CPA6: variants seen among roughly 807,000 people sequenced by gnomAD.
The protein encoded by CPA6 is carboxypeptidase B.
Under a neutral mutation model 63.3 loss-of-function variants are expected in CPA6, and 58 were observed. The ratio of observed to expected loss-of-function variants is 0.92; its 90% confidence interval spans 0.74 to 1.14. The LOEUF is 1.14. Ranked by LOEUF, CPA6 falls within the 50% of genes most tolerant of loss-of-function variation. The pLI is 0.00. For missense variants in CPA6, 565 were observed against 526.6 expected (o/e 1.07, Z -0.71); for synonymous variants, 185 against 179.0 (o/e 1.03, Z -0.27).
At chr8:67,679,479 G>A (rs1348830429) in intron 1 of CPA6, among the ~76,000 whole-genome samples, 1 of 152,100 alleles carries the variant, frequency 6.6e-6, no homozygotes, top group Non-Finnish European at 1.5e-5. Context: ...AATGTAGTAA[G>A]CTACAAGTTT....
rs539921968 is a variant in CPA6, at chr8:67,523,318, G to A, written c.193-5271C>T. ...TAGAGGTGGGCGGATCATGAGGTCA[G>A]GAGATTGAGACCATCCTGGCTAAAA... On this transcript the variant is annotated intron_variant, in intron 2 of 10. Coordinates refer to ENST00000297770, the MANE Select transcript of CPA6 (RefSeq NM_020361.5). Among the ~76,000 whole-genome samples the A allele has an allele frequency of 2.6e-5, 4 of 152,248 alleles. No homozygotes were observed. In the East Asian group the frequency reaches 7.7e-4, roughly 29 times the overall value.
chr8:67,730,735 CAAA>C lies in CPA6; in HGVS notation c.116+15276_116+15278del, dbSNP rs201559263. On this transcript the variant is annotated intron_variant, in intron 1 of 10. Coordinates refer to ENST00000297770, the MANE Select transcript of CPA6 (RefSeq NM_020361.5). ...GTTTGCCAGAAAATGGGATGAAGAC[CAAA>C]TATATATGTTTCTACTATAAGAATA... Among the ~76,000 whole-genome samples the C allele has an allele frequency of 8.0e-3, 1,216 of 152,216 alleles. 19 individuals are homozygous for C. The highest frequency in any genetic ancestry group is 0.027 in the African/African-American group (1,140 of 41,530).
Position 67,466,084 on chromosome 8 carries a change from GTTTTT to G in CPA6, c.838+17679_838+17683del, listed in dbSNP as rs561313512. Among the ~76,000 whole-genome samples the G allele has an allele frequency of 4.6e-3, 439 of 96,104 alleles. 7 individuals carry two copies. The highest frequency in any genetic ancestry group is 0.015 in the African/African-American group (405 of 27,250). 63.0% of individuals were successfully genotyped at this position (96,104 alleles called of 152,430 possible). A position where few individuals can be genotyped will look rare whatever the true frequency, so the allele number is the denominator to read the frequency against. Reference sequence around the variant, plus strand: ...TGTGGATTCATCTGGTCTGAGGCTTGTTTTTTTTTTTTTTTTTTTGGTAGGTTTTT... The same window carrying G: ...TGTGGATTCATCTGGTCTGAGGCTTGTTTTTTTTTTTTTTGGTAGGTTTTT... On this transcript the variant is annotated intron_variant, in intron 8 of 10. Coordinates refer to ENST00000297770, the MANE Select transcript of CPA6 (RefSeq NM_020361.5).
chr8:67,518,774 G>A (rs1812202311), intron 2 of CPA6, among the ~76,000 whole-genome samples: 1 of 152,048 alleles, frequency 6.6e-6, no homozygotes, highest in Non-Finnish European at 1.5e-5. Context: ...GCCTCCTGAA[G>A]TGCTGGGATT....
At position 67,483,955 on chromosome 8, in the gene CPA6, A is replaced by T. The variant is rs1444076066; in HGVS notation, c.748-97T>A. 3 of 989,826 alleles carry T rather than the reference A, an allele frequency of 3.0e-6. No individual in the cohort carries two copies. The African/African-American group carries it at 4.8e-5, about 16-fold the overall frequency. The allele number at this position is 989,826 out of a possible 1,614,324, so 61.3% of individuals were successfully genotyped here. A position where few individuals can be genotyped will look rare whatever the true frequency, so the allele number is the denominator to read the frequency against. On this transcript the variant is annotated intron_variant, in intron 7 of 10. Transcript: ENST00000297770. Reference sequence around the variant, plus strand: ...AATCAATGAAAGAGTCATACCACTGAGGGGAGAGTTCTCCTGTGAATAGAC... The same window carrying T: ...AATCAATGAAAGAGTCATACCACTGTGGGGAGAGTTCTCCTGTGAATAGAC...
chr8:67,460,702 T>C (rs1460649694), intron 8 of CPA6, among the ~76,000 whole-genome samples: 1 of 152,254 alleles, frequency 6.6e-6, no homozygotes, highest in Admixed American at 6.5e-5. Context: ...ATAAAACAAA[T>C]TTATTGCATT....
chr8:67,594,924 G>A (rs1384398250), intron 2 of CPA6, among the ~76,000 whole-genome samples: 3 of 152,216 alleles, frequency 2.0e-5, no homozygotes, highest in Non-Finnish European at 4.4e-5. Context: ...TGCTGGTGAG[G>A]AACTGTGTTC....
Position 67,428,270 on chromosome 8 carries a change from C to T in CPA6, c.1042-139G>A, listed in dbSNP as rs1209231791. ...TATATTCATTAATAATATTATATTA[C>T]TCTTATGTCACACGCTACATTTTGC... On this transcript the variant is annotated intron_variant, in intron 9 of 10. Transcript: ENST00000297770. 4 of 543,440 alleles carry T rather than the reference C, an allele frequency of 7.4e-6. No individual in the cohort carries two copies. In the African/African-American group the frequency reaches 7.8e-5, roughly 11 times the overall value. 33.7% of individuals were successfully genotyped at this position (543,440 alleles called of 1,614,324 possible).
At chr8:67,451,434 A>G (rs1426927837) in intron 8 of CPA6, among the ~76,000 whole-genome samples, 1 of 152,204 alleles carries the variant, frequency 6.6e-6, no homozygotes, top group Non-Finnish European at 1.5e-5. Context: ...CATCACCCCT[A>G]GATGGGACTG....
At chr8:67,668,364 C>T (rs1816275126) in intron 1 of CPA6, among the ~76,000 whole-genome samples, 1 of 152,184 alleles carries the variant, frequency 6.6e-6, no homozygotes, top group Non-Finnish European at 1.5e-5. Flanking sequence ...ATCACTGTTG[C>T]TCATCTGTTG....
At chr8:67,644,428 T>C (rs1210347174) in intron 1 of CPA6, among the ~76,000 whole-genome samples, 1 of 152,210 alleles carries the variant, frequency 6.6e-6, no homozygotes, top group Non-Finnish European at 1.5e-5. Context: ...ATTATGGCTG[T>C]CTTGGCTTGC....
intron 1 of CPA6, among the ~76,000 whole-genome samples, chr8:67,640,516 C>T (rs1563373070): frequency 6.6e-6 from 1 of 151,014 alleles, no homozygotes; most frequent in East Asian, 1.9e-4. Flanking sequence ...AGAAGTCAGA[C>T]AGCAGGAGCA....
At chr8:67,713,199 C>T (rs1397863792) in intron 1 of CPA6, among the ~76,000 whole-genome samples, 1 of 144,604 alleles carries the variant, frequency 6.9e-6, no homozygotes, top group Non-Finnish European at 1.5e-5. Context: ...TGGAACATAT[C>T]CCCCGTGAAC....
intron 1 of CPA6, among the ~76,000 whole-genome samples, chr8:67,630,327 A>C (rs1815295227): frequency 6.6e-6 from 1 of 151,986 alleles, no homozygotes; most frequent in Non-Finnish European, 1.5e-5. Context: ...ATGCTGATGA[A>C]CCTAACAGGT....
At chr8:67,454,969 G>C (rs957773193) in intron 8 of CPA6, among the ~76,000 whole-genome samples, 1 of 152,128 alleles carries the variant, frequency 6.6e-6, no homozygotes, top group African/African-American at 2.4e-5. Flanking sequence ...GGAGGGGAGA[G>C]AGCAGGGAAG....
intron 2 of CPA6, among the ~76,000 whole-genome samples, chr8:67,519,622 C>T (rs750441961): frequency 2.6e-5 from 4 of 152,190 alleles, no homozygotes; most frequent in Admixed American, 6.5e-5. Flanking sequence ...CAGCTGACTC[C>T]TCCACTCGCT....
At chr8:67,674,034 C>T (rs150977845) in intron 1 of CPA6, among the ~76,000 whole-genome samples, 5 of 152,220 alleles carry the variant, frequency 3.3e-5, no homozygotes, top group East Asian at 1.9e-4. Flanking sequence ...TTATATGTAC[C>T]GTGTTACCAT....
At chr8:67,535,369 T>C (rs1186152255) in intron 2 of CPA6, among the ~76,000 whole-genome samples, 3 of 152,192 alleles carry the variant, frequency 2.0e-5, no homozygotes, top group Non-Finnish European at 4.4e-5. Context: ...CCAGCATCTG[T>C]TGTTTCTTGA....
chr8:67,506,657 A>G (rs1811931422), intron 6 of CPA6, 130 bp downstream of exon 6: 1 of 635,548 alleles, frequency 1.6e-6, no homozygotes, highest in East Asian at 2.7e-5. Flanking sequence ...AAAGCAGCCC[A>G]TGGAATCAAG....
Sources: allele counts gnomAD v4.1 joint callset (sites outside exome capture counted in the v4.1 genomes callset), GRCh38; gene constraint gnomAD v4.1.1; transcripts MANE v1.5; gene names NCBI Gene and HGNC (gene_info 2026-07-23, HGNC 2026-07-21).